LDLRAD4: variants seen among roughly 807,000 people sequenced by gnomAD.
LDLRAD4 encodes low density lipoprotein receptor class A domain containing 4.
A neutral mutation model predicts 17.0 loss-of-function variants in LDLRAD4; 5 were observed. The ratio of observed to expected loss-of-function variants is 0.29; its 90% CI spans 0.15 to 0.62. The LOEUF is 0.62. Ranked by LOEUF, LDLRAD4 falls within the 20% of genes least tolerant of loss-of-function variation. The pLI, the probability that LDLRAD4 is intolerant of heterozygous loss-of-function variation, is 0.84. For synonymous variants in LDLRAD4, 168 were observed against 171.8 expected (o/e 0.98, Z 0.17); for missense variants, 340 against 424.7 (o/e 0.80, Z 1.75).
chr18:13,533,214 T>TATC (rs1169162487), intron 3 of LDLRAD4, among the ~76,000 whole-genome samples: 1 of 152,214 alleles, frequency 6.6e-6, no homozygotes, highest in African/African-American at 2.4e-5. Context: ...TAAACTTGTG[T>TATC]ATCTCCACAA....
intron 1 of LDLRAD4, among the ~76,000 whole-genome samples, chr18:13,263,641 G>C (rs994097507): frequency 6.6e-6 from 1 of 152,202 alleles, no homozygotes; most frequent in Non-Finnish European, 1.5e-5. Context: ...TCCTGTGCCC[G>C]AATTTCTCCA....
chr18:13,537,463 G>C (rs1034602839), intron 3 of LDLRAD4, among the ~76,000 whole-genome samples: 2 of 152,148 alleles, frequency 1.3e-5, no homozygotes, highest in Admixed American at 6.5e-5. Context: ...ATGCAACCTA[G>C]ATCCCTCACC....
chr18:13,259,732 G>A (rs184330173), intron 1 of LDLRAD4, among the ~76,000 whole-genome samples: 28 of 131,340 alleles, frequency 2.1e-4, no homozygotes, highest in African/African-American at 7.2e-4. Context: ...ACAAACTCAA[G>A]GGGCATCACT....
At chr18:13,518,840 G>A (rs2093910275) in intron 3 of LDLRAD4, among the ~76,000 whole-genome samples, 1 of 152,100 alleles carries the variant, frequency 6.6e-6, no homozygotes, top group Non-Finnish European at 1.5e-5. Context: ...CATTCTCATG[G>A]GTGGAGATAG....
At chr18:13,317,521 C>T (rs1490130098) in intron 1 of LDLRAD4, among the ~76,000 whole-genome samples, 2 of 152,174 alleles carry the variant, frequency 1.3e-5, no homozygotes, top group East Asian at 1.9e-4. Context: ...TATCCTTTAT[C>T]TTTTTAATAA....
At chr18:13,365,220 C>T (rs2083969479) in intron 1 of LDLRAD4, among the ~76,000 whole-genome samples, 1 of 152,160 alleles carries the variant, frequency 6.6e-6, no homozygotes, top group African/African-American at 2.4e-5. Context: ...TCCGTGCTTC[C>T]AGCATTAATC....
rs938025377 is a variant in LDLRAD4 at position 13,531,582 on chromosome 18, T to TC, written c.182-89533dup. Among the ~76,000 whole-genome samples the TC allele has an allele frequency of 2.8e-5, 3 of 108,078 alleles. No homozygotes were observed. In the Admixed American group the frequency reaches 3.7e-4, roughly 13 times the overall value. 70.9% of individuals were successfully genotyped at this position (108,078 alleles called of 152,430 possible). On this transcript the variant is annotated intron_variant, in intron 3 of 5. Coordinates refer to ENST00000359446, the Ensembl canonical transcript of LDLRAD4. ...GCTAGCTTAGGTGACAGAGCAAGAC[T>TC]CCATCTTTTTTTTTTTTTTTTTTTT...
upstream of LDLRAD4, chr18:13,217,917 AGGCCCGGGGGT>A (rs2041246436): frequency 6.7e-6 from 1 of 148,684 alleles, no homozygotes; most frequent in Non-Finnish European, 1.5e-5. This position sits in a 1 kb window ranked among gnomAD's most constrained non-coding sequence, Gnocchi z 4.9. Context: ...AGCGCGGGGG[AGGCCCGGGGGT>A]GAGGTCCTCA....
At chr18:13,352,944 G>T (rs955892338) in intron 1 of LDLRAD4, among the ~76,000 whole-genome samples, 1 of 151,840 alleles carries the variant, frequency 6.6e-6, no homozygotes, top group African/African-American at 2.4e-5. Flanking sequence ...ATTTCTGTTT[G>T]GTTCCATTTT....
chr18:13,272,996 G>T (rs2044652975), intron 1 of LDLRAD4, among the ~76,000 whole-genome samples: 1 of 152,240 alleles, frequency 6.6e-6, no homozygotes, highest in South Asian at 2.1e-4. Flanking sequence ...AGCTAGTAAA[G>T]ATGTTAGAAA....
At chr18:13,562,046 G>C (rs1297875654) in intron 3 of LDLRAD4, 1 of 152,182 alleles carries the variant, frequency 6.6e-6, no homozygotes, top group African/African-American at 2.4e-5. Context: ...CTCCTCTCTG[G>C]CATGGTAGAG....
intron 3 of LDLRAD4, among the ~76,000 whole-genome samples, chr18:13,457,968 T>G (rs1378881444): frequency 6.6e-6 from 1 of 152,138 alleles, no homozygotes; most frequent in Non-Finnish European, 1.5e-5. Flanking sequence ...CCATGAATGG[T>G]CTTGGAAAAT....
intron 3 of LDLRAD4, among the ~76,000 whole-genome samples, chr18:13,527,954 G>C (rs1456930324): frequency 1.3e-5 from 2 of 152,142 alleles, no homozygotes; most frequent in African/African-American, 4.8e-5. Flanking sequence ...GACGTCCTGG[G>C]CCAGCTGCCT....
At chr18:13,600,716 A>G (rs2095151064) in intron 3 of LDLRAD4, among the ~76,000 whole-genome samples, 1 of 152,184 alleles carries the variant, frequency 6.6e-6, no homozygotes, top group African/African-American at 2.4e-5. Context: ...TGGTTTGGAA[A>G]ATTTTTCTGT....
chr18:13,454,910 C>A (rs960721847), intron 3 of LDLRAD4, among the ~76,000 whole-genome samples: 1 of 152,256 alleles, frequency 6.6e-6, no homozygotes, highest in Non-Finnish European at 1.5e-5. Context: ...CACTTGGCTG[C>A]GCACAGTGCT....
intron 1 of LDLRAD4, among the ~76,000 whole-genome samples, chr18:13,354,070 A>C: frequency 6.6e-6 from 1 of 152,184 alleles, no homozygotes; most frequent in South Asian, 2.1e-4. Context: ...TTAGATGGGC[A>C]TGGTGGTGCA....
At chr18:13,291,234 T>C (rs2045945360) in intron 1 of LDLRAD4, among the ~76,000 whole-genome samples, 1 of 152,178 alleles carries the variant, frequency 6.6e-6, no homozygotes, top group South Asian at 2.1e-4. Flanking sequence ...GCTCAATCTG[T>C]TGTGCTCCAG....
chr18:13,499,781 C>G (rs1418367475), intron 3 of LDLRAD4, among the ~76,000 whole-genome samples: 1 of 152,262 alleles, frequency 6.6e-6, no homozygotes, highest in East Asian at 1.9e-4. Flanking sequence ...GAGAATCCAT[C>G]TCCACACACG....
intron 1 of LDLRAD4, among the ~76,000 whole-genome samples, chr18:13,347,258 G>A (rs2144264373): frequency 6.6e-6 from 1 of 152,292 alleles, no homozygotes; most frequent in South Asian, 2.1e-4. Flanking sequence ...CTCTTGTAGG[G>A]CAGGCCTGGT....
Sources: allele counts gnomAD v4.1 joint callset (sites outside exome capture counted in the v4.1 genomes callset), GRCh38; gene constraint gnomAD v4.1.1; non-coding constraint Gnocchi (gnomAD v3.1); transcripts MANE v1.5; gene names NCBI Gene and HGNC (gene_info 2026-07-23, HGNC 2026-07-21).